The following SLC35E2B variants were observed in gnomAD, a reference collection of about 807,000 sequenced individuals.
SLC35E2B encodes solute carrier family 35, member E2B.
Under a neutral mutation model 32.4 loss-of-function variants are expected in SLC35E2B, and 18 were observed. The ratio of observed to expected loss-of-function variants is 0.56; its 90% confidence interval spans 0.38 to 0.82. The LOEUF (loss-of-function observed/expected upper bound fraction) is 0.82, where lower values mean the gene tolerates loss of function less well. SLC35E2B is among the 40% of genes least tolerant of loss of function. The probability of loss-of-function intolerance (pLI) is 0.00; values close to 1 mark genes in which losing one functional copy is unlikely to be tolerated. For missense variants in SLC35E2B, 263 were observed against 469.5 expected (o/e 0.56, Z 4.06); for synonymous variants, 132 against 209.1 (o/e 0.63, Z 3.18).
rs931385906 is a variant in SLC35E2B at position 1,664,148 on chromosome 1, A to AC, written c.*1633dup. ...CAGTGAGCCAAGATCATGCCACTGT[A>AC]CTCCAGCCTGGGTGACAGACAGAGC... is the stretch of plus-strand genomic sequence containing the variant. On this transcript the variant is annotated 3_prime_UTR_variant, in exon 10 of 10. Transcript: ENST00000617444. The AC allele has an allele frequency of 5.2e-6, 2 of 388,026 alleles. No individual in the cohort carries two copies. Among genetic ancestry groups the AC allele is most frequent in the Admixed American group, 1.3e-4 (2 of 15,148 alleles). 24.0% of individuals were successfully genotyped at this position (388,026 alleles called of 1,614,324 possible). A position where few individuals can be genotyped will look rare whatever the true frequency, so the allele number is the denominator to read the frequency against.
Position 1,676,843 on chromosome 1 carries a change from G to C in SLC35E2B, c.-144C>G. The C allele has an allele frequency of 6.8e-7, 1 of 1,480,588 alleles. No individual in the cohort carries two copies. The highest frequency in any genetic ancestry group is 8.9e-7 in the Non-Finnish European group (1 of 1,121,380). 91.7% of individuals were successfully genotyped at this position (1,480,588 alleles called of 1,614,324 possible). A position where few individuals can be genotyped will look rare whatever the true frequency, so the allele number is the denominator to read the frequency against. On this transcript the variant is annotated 5_prime_UTR_variant, in exon 3 of 10. Transcript: ENST00000617444. ...CTCTCCCAGGCAAAGCGCAGAAGCA[G>C]ACGCTAAAATATTAAGAAAAGGAAA...
chr1:1,666,611 G>C (rs116182006), intron 9 of SLC35E2B, among the ~76,000 whole-genome samples: 2 of 152,320 alleles, frequency 1.3e-5, no homozygotes, highest in African/African-American at 2.4e-5. Flanking sequence ...GAACATCACC[G>C]GGCGCAGCGG....
intron 7 of SLC35E2B, 136 bp from the exon 8 acceptor site, chr1:1,669,872 A>G (rs1377195305): frequency 2.0e-6 from 2 of 1,000,738 alleles, no homozygotes; most frequent in Non-Finnish European, 3.1e-6. Context: ...AGGGTGCTGC[A>G]GCTTCCCAGA....
At position 1,668,147 on chromosome 1, in the gene SLC35E2B, C is replaced by T. The variant is rs568383342; in HGVS notation, c.980+180G>A. On this transcript the variant is annotated intron_variant, in intron 9 of 9. Coordinates refer to ENST00000617444, the MANE Select transcript of SLC35E2B (RefSeq NM_001290264.2). ...GATTACAGGCATGAGCCACTGGGCCCGGCCTATCGTTTGCATTTCAAACAG... is the reference window on the plus strand; with the variant it reads ...GATTACAGGCATGAGCCACTGGGCCTGGCCTATCGTTTGCATTTCAAACAG... Among the ~76,000 whole-genome samples the T allele has an allele frequency of 1.7e-3, 252 of 152,132 alleles. 2 individuals carry two copies. The highest frequency in any genetic ancestry group is 5.9e-3 in the African/African-American group (243 of 41,476).
At chr1:1,689,461 A>C (rs1643993865) in intron 2 of SLC35E2B, among the ~76,000 whole-genome samples, 1 of 151,622 alleles carries the variant, frequency 6.6e-6, no homozygotes, top group Non-Finnish European at 1.5e-5. Context: ...CACACGAAGG[A>C]AAGACACGGC....
chr1:1,686,448 A>G (rs1643952210), intron 2 of SLC35E2B, among the ~76,000 whole-genome samples: 1 of 151,624 alleles, frequency 6.6e-6, no homozygotes, highest in African/African-American at 2.4e-5. Context: ...CACGAAAGGA[A>G]GTCCTTCAGG....
In SLC35E2B at chr1:1,664,971, A is replaced by G. The variant is rs1180899737; in HGVS notation, c.*811T>C. On this transcript the variant is annotated 3_prime_UTR_variant, in exon 10 of 10. Transcript: ENST00000617444. ...AAAAGGAACGTACACATCTCCTCCC[A>G]AGTTAAACACGAGAGGTTTGTCCTC... The G allele has an allele frequency of 7.2e-6, 7 of 976,026 alleles. No homozygotes were observed. The highest frequency in any genetic ancestry group is 1.8e-5 in the African/African-American group (1 of 56,836). 60.5% of individuals were successfully genotyped at this position (976,026 alleles called of 1,614,324 possible).
rs1439595566 is a variant in SLC35E2B at position 1,662,426 on chromosome 1, A to T, written c.*3356T>A. ...TTCCCACTGACCCGTCTGAGTGATCACCCAGGAGCGCGGCGGCAGCAAGCA... is the reference window on the plus strand; with the variant it reads ...TTCCCACTGACCCGTCTGAGTGATCTCCCAGGAGCGCGGCGGCAGCAAGCA... On this transcript the variant is annotated 3_prime_UTR_variant, in exon 10 of 10. Transcript: ENST00000617444. The T allele has an allele frequency of 1.2e-6, 1 of 860,264 alleles. No homozygotes were observed. The highest frequency in any genetic ancestry group is 1.4e-6 in the Non-Finnish European group (1 of 724,542). 53.3% of individuals were successfully genotyped at this position (860,264 alleles called of 1,614,324 possible).
chr1:1,681,523 T>C (rs1643899618), intron 2 of SLC35E2B, among the ~76,000 whole-genome samples: 2 of 151,474 alleles, frequency 1.3e-5, no homozygotes, highest in South Asian at 4.2e-4. Flanking sequence ...CTTTTCTTTT[T>C]TGAGAGGGAC....
At chr1:1,666,828 G>A (rs1449409027) in intron 9 of SLC35E2B, among the ~76,000 whole-genome samples, 2 of 151,906 alleles carry the variant, frequency 1.3e-5, no homozygotes, top group South Asian at 4.2e-4. Flanking sequence ...TGTGGAGGCC[G>A]GGCGCCGTGG....
chr1:1,684,047 C>T (rs911162284), intron 2 of SLC35E2B, among the ~76,000 whole-genome samples: 6 of 152,130 alleles, frequency 3.9e-5, no homozygotes, highest in Non-Finnish European at 5.9e-5. Context: ...GAGGGAGGAT[C>T]GCTTGCTGTC....
In SLC35E2B at chr1:1,665,997, C is replaced by T; in HGVS notation, c.1003G>A (p.Ala335Thr). The change falls in exon 10 of 10, where the codon GCC (alanine) becomes ACC (threonine). Residue 335 changes from alanine (A) to threonine (T), a missense_variant. Physicochemically the swap from Ala to Thr is moderately conservative, Grantham distance 58. Coordinates refer to ENST00000617444, the MANE Select transcript of SLC35E2B (RefSeq NM_001290264.2). ...TFSVASTVKHALSIWLSVIVF... is the reference protein window; with the variant it reads ...TFSVASTVKHTLSIWLSVIVF... ...ATTACGCTGAGCCAGATGGACAAGG[C>T]ATGTTTCACGGTGCTGGCGACGCTG... 1 of 1,551,404 alleles carries T rather than the reference C, an allele frequency of 6.4e-7. No individual in the cohort carries two copies. The highest frequency in any genetic ancestry group is 2.4e-5 in the East Asian group (1 of 40,916).
At chr1:1,675,411 G>A (rs1643817824) in intron 5 of SLC35E2B, 52 bp downstream of exon 5, 4 of 1,593,858 alleles carry the variant, frequency 2.5e-6, no homozygotes, top group Non-Finnish European at 3.4e-6. Flanking sequence ...ACCACGGATG[G>A]AGGCCTGGGA....
chr1:1,682,830 T>C (rs1643912042), intron 2 of SLC35E2B, among the ~76,000 whole-genome samples: 1 of 151,988 alleles, frequency 6.6e-6, no homozygotes, highest in South Asian at 2.1e-4. Context: ...ACGCCTGTAA[T>C]CCCAGCACTT....
intron 5 of SLC35E2B, among the ~76,000 whole-genome samples, chr1:1,675,101 G>A (rs1643808468): frequency 6.6e-6 from 1 of 151,172 alleles, no homozygotes; most frequent in South Asian, 2.1e-4. Flanking sequence ...AGCCACGGCC[G>A]CCTGTGTGGT....
chr1:1,688,589 A>G (rs1167108391), intron 2 of SLC35E2B, among the ~76,000 whole-genome samples: 2 of 147,776 alleles, frequency 1.4e-5, no homozygotes, highest in Non-Finnish European at 3.0e-5. Context: ...GGCAGAGCGA[A>G]ACTCTGTCCC....
Position 1,663,046 on chromosome 1 carries a change from G to A in SLC35E2B, c.*2736C>T. Reference sequence around the variant, plus strand: ...GACCAGCGGCTGGAAACTGACTTGGGCATGGAGAGGAGACTGAGGGAGAGG... The same window carrying A: ...GACCAGCGGCTGGAAACTGACTTGGACATGGAGAGGAGACTGAGGGAGAGG... On this transcript the variant is annotated 3_prime_UTR_variant, in exon 10 of 10. Transcript: ENST00000617444. 1 of 954,270 alleles carries A rather than the reference G, an allele frequency of 1.0e-6. No homozygotes were observed. The allele number at this position is 954,270 out of a possible 1,614,324, so 59.1% of individuals were successfully genotyped here. A position where few individuals can be genotyped will look rare whatever the true frequency, so the allele number is the denominator to read the frequency against.
At chr1:1,686,415 A>T (rs1299692119) in intron 2 of SLC35E2B, among the ~76,000 whole-genome samples, 1 of 149,344 alleles carries the variant, frequency 6.7e-6, no homozygotes, top group Non-Finnish European at 1.5e-5. Flanking sequence ...AGATTTCATC[A>T]TGTGAGTGAA....
Position 1,675,552 on chromosome 1 carries a change from T to G in SLC35E2B, c.497A>C (p.Asn166Thr). 1 of 1,582,694 alleles carries G rather than the reference T, an allele frequency of 6.3e-7. No individual in the cohort carries two copies. Among genetic ancestry groups the G allele is most frequent in the Non-Finnish European group, 8.6e-7 (1 of 1,165,862 alleles). Reference sequence around the variant, plus strand: ...CGTCTCAGCAAACGAAACCGCCACATTTTTCAGGCTGACCAAACCCAAAAC... The same window carrying G: ...CGTCTCAGCAAACGAAACCGCCACAGTTTTCAGGCTGACCAAACCCAAAAC... ...TVVLGLVSLK[N>T]VAVSFAETVK... Residue 166 changes from asparagine to threonine, a missense_variant, in exon 5 of 10, where the codon AAT becomes ACT. Asn to Thr is a moderately conservative substitution (Grantham distance 65). Coordinates refer to ENST00000617444, the MANE Select transcript of SLC35E2B (RefSeq NM_001290264.2).
Sources: allele counts gnomAD v4.1 joint callset (sites outside exome capture counted in the v4.1 genomes callset), GRCh38; gene constraint gnomAD v4.1.1; transcripts MANE v1.5; gene names NCBI Gene and HGNC (gene_info 2026-07-23, HGNC 2026-07-21).